SAMMSON: variants seen among roughly 807,000 people sequenced by gnomAD.
The protein encoded by SAMMSON is survival associated mitochondrial melanoma specific oncogenic non-coding RNA, also known as long intergenic non-protein coding RNA 1212.
At position 70,334,515 on chromosome 3, in the gene SAMMSON, T is replaced by G. The variant is rs576729102; in HGVS notation, n.740-19660T>G. On this transcript the variant is annotated intron_variant and non_coding_transcript_variant, in intron 7 of 9. Coordinates refer to ENST00000642114, the Ensembl canonical transcript of SAMMSON. ...GAGAAAATTAGACACTTATGACCTA[T>G]AGGACAATGTTTTCCTTCTTGCTAC... 8.5e-5 allele frequency among the ~76,000 whole-genome samples: 13 copies of G among 152,218 alleles called. No homozygotes were observed. In the South Asian group the frequency reaches 2.5e-3, roughly 29 times the overall value.
chr3:70,140,571 A>G (rs1171919156), intron 4 of SAMMSON: 1 of 152,752 alleles, frequency 6.5e-6, no homozygotes, highest in Non-Finnish European at 1.5e-5. Context: ...ATTTGCTTCT[A>G]ATTTGTGTAA....
chr3:70,002,123 T>G lies in SAMMSON; in HGVS notation n.22+2256T>G, dbSNP rs572997147. On this transcript the variant is annotated intron_variant and non_coding_transcript_variant, in intron 1 of 9. Transcript: ENST00000642114. ...TAACCACTCCCTTGTAAGTGGACATTTAAGTCTAGTGTTCTGTAAATAAAA... is the reference window on the plus strand; with the variant it reads ...TAACCACTCCCTTGTAAGTGGACATGTAAGTCTAGTGTTCTGTAAATAAAA... Among the ~76,000 whole-genome samples, 3 of 152,292 alleles carry G rather than the reference T, an allele frequency of 2.0e-5. No homozygotes were observed. In the East Asian group the frequency reaches 5.8e-4, roughly 29 times the overall value.
intron 4 of SAMMSON, among the ~76,000 whole-genome samples, chr3:70,082,473 G>A (rs1405047971): frequency 6.6e-6 from 1 of 152,112 alleles, no homozygotes; most frequent in Non-Finnish European, 1.5e-5. Context: ...ATGTTGGTGG[G>A]GAAGGTGGTT....
intron 4 of SAMMSON, among the ~76,000 whole-genome samples, chr3:70,248,487 A>C (rs1001438602): frequency 6.6e-6 from 1 of 152,116 alleles, no homozygotes; most frequent in African/African-American, 2.4e-5. Flanking sequence ...GAACTTGAAA[A>C]GTAGGCATAG....
intron 6 of SAMMSON, among the ~76,000 whole-genome samples, chr3:70,263,560 A>G (rs1464855374): frequency 6.6e-6 from 1 of 152,146 alleles, no homozygotes; most frequent in Non-Finnish European, 1.5e-5. Flanking sequence ...ACAGATCTCT[A>G]GTAGTTGTTC....
At chr3:70,221,427 G>C (rs1701459364) in intron 4 of SAMMSON, among the ~76,000 whole-genome samples, 1 of 152,092 alleles carries the variant, frequency 6.6e-6, no homozygotes, top group Admixed American at 6.6e-5. Context: ...TTACTAAACT[G>C]GTAAAGATTA....
At chr3:70,172,829 T>G (rs1416689273) in intron 4 of SAMMSON, 1 of 152,022 alleles carries the variant, frequency 6.6e-6, no homozygotes, top group African/African-American at 2.4e-5. Context: ...ATCTGAGTTC[T>G]TAATTTTAAA....
At chr3:70,271,022 T>G (rs563397982) in intron 6 of SAMMSON, among the ~76,000 whole-genome samples, 14 of 152,056 alleles carry the variant, frequency 9.2e-5, no homozygotes, top group Admixed American at 3.9e-4. Flanking sequence ...ATCCCAGAAC[T>G]TCAAGTATAA....
At chr3:70,155,070 A>T (rs1041297851) in intron 4 of SAMMSON, among the ~76,000 whole-genome samples, 2 of 152,006 alleles carry the variant, frequency 1.3e-5, no homozygotes, top group African/African-American at 4.8e-5. Flanking sequence ...GTTCTGGTGG[A>T]TATCATACAC....
At chr3:70,339,845 G>A (rs1423096460) in intron 7 of SAMMSON, among the ~76,000 whole-genome samples, 1 of 152,144 alleles carries the variant, frequency 6.6e-6, no homozygotes, top group Non-Finnish European at 1.5e-5. Context: ...AGACAGTGTG[G>A]CAATTCTTCA....
chr3:70,147,123 G>T (rs2067552258), intron 4 of SAMMSON, among the ~76,000 whole-genome samples: 1 of 151,918 alleles, frequency 6.6e-6, no homozygotes, highest in African/African-American at 2.4e-5. Flanking sequence ...ATCCTTAAAA[G>T]CTATTTGCTG....
At chr3:70,412,923 T>C (rs1285382116) in intron 2 of SAMMSON, among the ~76,000 whole-genome samples, 2 of 152,140 alleles carry the variant, frequency 1.3e-5, no homozygotes, top group Non-Finnish European at 2.9e-5. Flanking sequence ...AAGTCAAAAA[T>C]GATGCCTAGC....
chr3:70,155,268 G>A (rs886324007), intron 4 of SAMMSON, among the ~76,000 whole-genome samples: 1 of 151,872 alleles, frequency 6.6e-6, no homozygotes, highest in South Asian at 2.1e-4. Flanking sequence ...TTATTTCTCT[G>A]GATTATGAAA....
At chr3:70,219,822 GC>G (rs1701446370) in intron 4 of SAMMSON, among the ~76,000 whole-genome samples, 2 of 152,102 alleles carry the variant, frequency 1.3e-5, no homozygotes, top group Admixed American at 1.3e-4. Context: ...GCAAAATGAT[GC>G]CAAACTCAAA....
intron 3 of SAMMSON, among the ~76,000 whole-genome samples, chr3:70,021,984 A>AC (rs2067015509): frequency 6.6e-6 from 1 of 152,092 alleles, no homozygotes; most frequent in African/African-American, 2.4e-5. Context: ...TGAGGTCTAA[A>AC]CCTGTTTAGG....
At chr3:70,093,345 A>G (rs1344443622) in intron 4 of SAMMSON, among the ~76,000 whole-genome samples, 2 of 152,160 alleles carry the variant, frequency 1.3e-5, no homozygotes, top group African/African-American at 4.8e-5. Context: ...TGAGGCTACC[A>G]AAAACTAAAC....
intron 6 of SAMMSON, among the ~76,000 whole-genome samples, chr3:70,252,821 T>C (rs1464509453): frequency 2.0e-5 from 3 of 152,190 alleles, no homozygotes; most frequent in Admixed American, 6.5e-5. Flanking sequence ...GGCTCATGCC[T>C]GTAATCCCAG....
At chr3:70,015,355 G>C (rs2066978794) in intron 3 of SAMMSON, 1 of 150,750 alleles carries the variant, frequency 6.6e-6, no homozygotes, top group Non-Finnish European at 1.5e-5. Context: ...TTGGGGAAAT[G>C]CTCTCTGATT....
At chr3:70,180,263 A>G (rs1701042237) in intron 4 of SAMMSON, among the ~76,000 whole-genome samples, 1 of 152,090 alleles carries the variant, frequency 6.6e-6, no homozygotes, top group Admixed American at 6.6e-5. Context: ...GGTTTTGTGA[A>G]GATTGAACTA....
Sources: gnomAD v4.1 joint callset for allele counts (sites outside exome capture counted in the v4.1 genomes callset) on GRCh38, gnomAD v4.1.1 for gene constraint, MANE v1.5 for transcripts, NCBI Gene and HGNC (gene_info 2026-07-23, HGNC 2026-07-21) for gene names.